The following MYO3B variants were observed in gnomAD, a reference collection of about 807,000 sequenced individuals.
MYO3B encodes myosin-IIIb.
A neutral mutation model predicts 174.6 loss-of-function variants in MYO3B; 156 were observed. The ratio of observed to expected loss-of-function variants is 0.89; its 90% CI spans 0.78 to 1.02. The LOEUF (loss-of-function observed/expected upper bound fraction) is 1.02. MYO3B is among the 50% of genes least tolerant of loss of function. MYO3B has a pLI of 0.00. For missense variants in MYO3B, 1,632 were observed against 1,639.4 expected, an observed-to-expected ratio of 1.00 and a Z score of 0.08; for synonymous variants, 563 against 569.1, an observed-to-expected ratio of 0.99 and a Z score of 0.15.
chr2:170,348,549 T>C (rs992630134), intron 8 of MYO3B: 3 of 152,118 alleles, frequency 2.0e-5, no homozygotes, highest in Non-Finnish European at 4.4e-5. Flanking sequence ...ATACTGTGTA[T>C]ATTTTGAGGC....
At chr2:170,634,291 C>T (rs1405460705) in intron 32 of MYO3B, among the ~76,000 whole-genome samples, 2 of 152,132 alleles carry the variant, frequency 1.3e-5, no homozygotes, top group African/African-American at 2.4e-5. Context: ...TGGAACAGAA[C>T]AGAGGCCTCA....
In MYO3B at chr2:170,653,023, T is replaced by A. The variant is rs1398168451; in HGVS notation, c.3928T>A (p.Ser1310Thr). The change falls in exon 35 of 35, where the codon TCT becomes ACT. Residue 1310 changes from serine to threonine, a missense_variant. By Grantham distance (58) the Ser-to-Thr change is moderately conservative (BLOSUM62 1). Coordinates refer to ENST00000408978, the MANE Select transcript of MYO3B (RefSeq NM_138995.5). ...VLDGEDEYYK[S>T]LSPVDCIPEE... ...TGATGGGGAAGATGAATATTACAAA[T>A]CTCTGTCACCAGTGGACTGTATCCC... 3 of 1,614,160 alleles carry A rather than the reference T, an allele frequency of 1.9e-6. No individual in the cohort carries two copies. The highest frequency in any genetic ancestry group is 1.7e-6 in the Non-Finnish European group (2 of 1,179,994).
At chr2:170,274,947 A>T (rs1358606429) in intron 7 of MYO3B, among the ~76,000 whole-genome samples, 1 of 152,150 alleles carries the variant, frequency 6.6e-6, no homozygotes, top group African/African-American at 2.4e-5. Flanking sequence ...AATGTTGATT[A>T]TGGGACATGA....
chr2:170,229,680 G>A (rs921992528), intron 6 of MYO3B, among the ~76,000 whole-genome samples: 41 of 152,236 alleles, frequency 2.7e-4, no homozygotes, highest in Middle Eastern at 3.4e-3. Flanking sequence ...TTCGATAAAT[G>A]GTTTAACTAT....
intron 32 of MYO3B, among the ~76,000 whole-genome samples, chr2:170,580,113 AAG>A (rs760418590): frequency 7.2e-5 from 11 of 152,240 alleles, no homozygotes; most frequent in Non-Finnish European, 1.5e-4. Context: ...TAGAGTTAAA[AAG>A]AATGCAGCTA....
At chr2:170,316,943 A>G (rs771787370) in intron 7 of MYO3B, among the ~76,000 whole-genome samples, 1 of 152,224 alleles carries the variant, frequency 6.6e-6, no homozygotes, top group African/African-American at 2.4e-5. Flanking sequence ...AGACACCTGC[A>G]TTGACTCTCA....
intron 30 of MYO3B, among the ~76,000 whole-genome samples, chr2:170,540,131 G>T (rs1234514872): frequency 6.6e-6 from 1 of 152,154 alleles, no homozygotes; most frequent in African/African-American, 2.4e-5. Context: ...AGACCAGCCT[G>T]TGCAATATAG....
At chr2:170,399,242 CAAAAAAAAAAAAA>C (rs71399532) in intron 16 of MYO3B, among the ~76,000 whole-genome samples, 1 of 15,622 alleles carries the variant, frequency 6.4e-5, no homozygotes, top group South Asian at 3.5e-3. Flanking sequence ...AATTCCGTCT[CAAAAAAAAAAAAA>C]AAAAAAAAAA....
At chr2:170,484,615 A>G (rs1417298582) in intron 25 of MYO3B, among the ~76,000 whole-genome samples, 1 of 152,158 alleles carries the variant, frequency 6.6e-6, no homozygotes, top group Middle Eastern at 3.2e-3. Context: ...ATAGTGAGTA[A>G]TACTGCATTA....
chr2:170,287,591 G>A (rs927049741), intron 7 of MYO3B, among the ~76,000 whole-genome samples: 1 of 151,452 alleles, frequency 6.6e-6, no homozygotes, highest in Admixed American at 6.6e-5. Context: ...TTGGTTTTTT[G>A]CTATTGATTT....
chr2:170,393,902 A>T lies in MYO3B; in HGVS notation c.1791+1407A>T, dbSNP rs77638345. The stretch of plus-strand genomic sequence containing the variant: ...ATTAAACAGGTTCTAGCATTGTTAA[A>T]GGACCTTTGTGGTTATTAACTTAAA... On this transcript the variant is annotated intron_variant, in intron 16 of 34. Coordinates refer to ENST00000408978, the MANE Select transcript of MYO3B (RefSeq NM_138995.5). 3.2e-4 allele frequency among the ~76,000 whole-genome samples: 48 copies of T among 152,320 alleles called. 2 individuals are homozygous for T. In the East Asian group the frequency reaches 9.2e-3, roughly 29 times the overall value.
chr2:170,439,818 C>T (rs1183241536), intron 22 of MYO3B, among the ~76,000 whole-genome samples: 1 of 152,062 alleles, frequency 6.6e-6, no homozygotes, highest in Admixed American at 6.6e-5. Context: ...GTAGCTGAGA[C>T]CACAGGTGCC....
At chr2:170,236,243 C>T in intron 7 of MYO3B, 107 bp downstream of exon 7, 6 of 1,336,750 alleles carry the variant, frequency 4.5e-6, no homozygotes, top group African/African-American at 1.5e-5. Context: ...CTGACAAAGC[C>T]TGATTGTGAA....
At chr2:170,621,419 C>A (rs1262989384) in intron 32 of MYO3B, among the ~76,000 whole-genome samples, 2 of 152,176 alleles carry the variant, frequency 1.3e-5, no homozygotes. Flanking sequence ...GCTCTTCCTT[C>A]CCACCTTTCA....
At chr2:170,602,136 G>A in intron 32 of MYO3B, 1 of 1,244,894 alleles carries the variant, frequency 8.0e-7, no homozygotes, top group South Asian at 1.2e-5. Flanking sequence ...AGGCATCTGG[G>A]TGCTTCTTCT....
At chr2:170,342,466 A>T (rs1013689231) in intron 8 of MYO3B, 1 of 152,174 alleles carries the variant, frequency 6.6e-6, no homozygotes, top group South Asian at 2.1e-4. Context: ...CACCAGGAAG[A>T]GGCAGCTGTG....
intron 7 of MYO3B, among the ~76,000 whole-genome samples, chr2:170,250,430 T>A (rs2093239094): frequency 1.3e-5 from 2 of 152,304 alleles, no homozygotes; most frequent in African/African-American, 4.8e-5. Context: ...ATGGGAGCAT[T>A]CCCTGACCCC....
intron 7 of MYO3B, among the ~76,000 whole-genome samples, chr2:170,266,331 T>G (rs2093383087): frequency 6.6e-6 from 1 of 152,202 alleles, no homozygotes; most frequent in African/African-American, 2.4e-5. Flanking sequence ...ACATTAATTT[T>G]TAAACTAGCT....
rs559086883 is a variant in MYO3B at position 170,537,448 on chromosome 2, A to ATTTTTTTTTTT, written c.3576-5435_3576-5425dup. 8.9e-4 allele frequency among the ~76,000 whole-genome samples: 49 copies of ATTTTTTTTTTT among 54,814 alleles called. 12 individuals are homozygous for ATTTTTTTTTTT. The highest frequency in any genetic ancestry group is 4.3e-3 in the East Asian group (6 of 1,380). 36.0% of individuals were successfully genotyped at this position (54,814 alleles called of 152,430 possible). A position where few individuals can be genotyped will look rare whatever the true frequency, so the allele number is the denominator to read the frequency against. On this transcript the variant is annotated intron_variant, in intron 30 of 34. Coordinates refer to ENST00000408978, the MANE Select transcript of MYO3B (RefSeq NM_138995.5). ...ACCTTCTCTTATTAAGAGCTCTTTG[A>ATTTTTTTTTTT]TTTTTTTTTTTTTTTTTTTTTTTTT...
Sources: gnomAD v4.1 joint callset for allele counts (sites outside exome capture counted in the v4.1 genomes callset) on GRCh38, gnomAD v4.1.1 for gene constraint, MANE v1.5 for transcripts, NCBI Gene and HGNC (gene_info 2026-07-23, HGNC 2026-07-21) for gene names.